PRKD1: variants seen among roughly 807,000 people sequenced by gnomAD.
The protein encoded by PRKD1 is protein kinase D1.
A neutral mutation model predicts 95.9 loss-of-function variants in PRKD1; 63 were observed. The ratio of observed to expected loss-of-function variants is 0.66; its 90% confidence interval spans 0.54 to 0.81. The LOEUF (loss-of-function observed/expected upper bound fraction) is 0.81, where lower values mean the gene tolerates loss of function less well. PRKD1 is among the 30% of genes least tolerant of loss of function. The pLI, the probability that PRKD1 is intolerant of heterozygous loss-of-function variation, is 0.00. For synonymous variants in PRKD1, 425 were observed against 423.1 expected, an observed-to-expected ratio of 1.00 and a Z score of -0.05; for missense variants, 1,048 against 1,165.3, an observed-to-expected ratio of 0.90 and a Z score of 1.47.
At chr14:29,864,162 C>T (rs1210342680) in intron 1 of PRKD1, among the ~76,000 whole-genome samples, 2 of 152,012 alleles carry the variant, frequency 1.3e-5, no homozygotes, top group Non-Finnish European at 2.9e-5. Flanking sequence ...CACTACTGGA[C>T]AATGACCATA....
chr14:29,776,324 G>C (rs1028543470), intron 1 of PRKD1, among the ~76,000 whole-genome samples: 1 of 152,174 alleles, frequency 6.6e-6, no homozygotes, highest in Non-Finnish European at 1.5e-5. Context: ...AGAGAAGAAG[G>C]CTTCAGACGA....
Position 29,757,960 on chromosome 14 carries a change from A to G in PRKD1, c.265-32286T>C, listed in dbSNP as rs1220367528. 3.9e-5 allele frequency among the ~76,000 whole-genome samples: 6 copies of G among 152,208 alleles called. No homozygotes were observed. The East Asian group carries it at 9.7e-4, about 25-fold the overall frequency. On this transcript the variant is annotated intron_variant, in intron 1 of 17. Transcript: ENST00000331968. Reference sequence around the variant, plus strand: ...GTTTCATCCACCAGATCATGTTGACATTCTCTAAAGCTGGGACTACAGGAG... The same window carrying G: ...GTTTCATCCACCAGATCATGTTGACGTTCTCTAAAGCTGGGACTACAGGAG...
intron 2 of PRKD1, among the ~76,000 whole-genome samples, chr14:29,709,161 A>G (rs560435941): frequency 2.0e-5 from 3 of 152,194 alleles, no homozygotes; most frequent in African/African-American, 7.2e-5. Context: ...CCATAAAGTT[A>G]GCTTACTCAG....
intron 1 of PRKD1, among the ~76,000 whole-genome samples, chr14:29,843,057 G>A (rs1891926159): frequency 6.6e-6 from 1 of 152,172 alleles, no homozygotes; most frequent in Non-Finnish European, 1.5e-5. Flanking sequence ...CCCAAAATGT[G>A]TGTATTGAAG....
intron 1 of PRKD1, among the ~76,000 whole-genome samples, chr14:29,736,295 C>T (rs2139422679): frequency 6.6e-6 from 1 of 152,298 alleles, no homozygotes; most frequent in African/African-American, 2.4e-5. Flanking sequence ...TTGAACATAA[C>T]ATTCTGCCTA....
intron 1 of PRKD1, among the ~76,000 whole-genome samples, chr14:29,867,941 T>G (rs953863185): frequency 2.0e-5 from 3 of 152,234 alleles, no homozygotes; most frequent in African/African-American, 7.2e-5. Flanking sequence ...CCCTGAATAT[T>G]TGAACCACTA....
intron 1 of PRKD1, among the ~76,000 whole-genome samples, chr14:29,907,505 G>A (rs1331505811): frequency 6.6e-6 from 1 of 152,106 alleles, no homozygotes; most frequent in Non-Finnish European, 1.5e-5. Flanking sequence ...AAAAAAATAG[G>A]CAAAGATCCC....
intron 2 of PRKD1, among the ~76,000 whole-genome samples, chr14:29,713,699 T>C (rs951746092): frequency 6.6e-6 from 1 of 152,184 alleles, no homozygotes; most frequent in Non-Finnish European, 1.5e-5. Flanking sequence ...TAATACTGCA[T>C]TGCTCTTCCT....
chr14:29,839,093 G>A (rs12587654), intron 1 of PRKD1, among the ~76,000 whole-genome samples: 17,096 of 149,484 alleles, frequency 0.11, 1,083 homozygotes, highest in East Asian at 0.25. Context: ...ATCAATAAAC[G>A]AAAAAAAAAA....
At chr14:29,698,047 A>G (rs759936764) in intron 2 of PRKD1, among the ~76,000 whole-genome samples, 5 of 152,158 alleles carry the variant, frequency 3.3e-5, no homozygotes, top group Non-Finnish European at 5.9e-5. Flanking sequence ...TATCTTTCAA[A>G]TTTTCCCAAA....
chr14:29,771,483 C>T (rs1279044781), intron 1 of PRKD1, among the ~76,000 whole-genome samples: 1 of 152,068 alleles, frequency 6.6e-6, no homozygotes, highest in Non-Finnish European at 1.5e-5. Flanking sequence ...GGTGGTAAAC[C>T]TTGGTGGTGT....
intron 1 of PRKD1, among the ~76,000 whole-genome samples, chr14:29,923,492 T>C (rs1345637920): frequency 6.6e-6 from 1 of 151,906 alleles, no homozygotes; most frequent in Admixed American, 6.6e-5. Flanking sequence ...AAAAATGACA[T>C]CACAACTATT....
intron 2 of PRKD1, among the ~76,000 whole-genome samples, chr14:29,710,292 C>A (rs1361387704): frequency 2.0e-5 from 3 of 151,996 alleles, no homozygotes; most frequent in Non-Finnish European, 4.4e-5. Context: ...AGAAACTGTA[C>A]AGTGGAGAAA....
intron 2 of PRKD1, among the ~76,000 whole-genome samples, chr14:29,669,828 A>AGG: frequency 6.6e-6 from 1 of 152,338 alleles, no homozygotes; most frequent in Admixed American, 6.5e-5. Context: ...AGATCACACC[A>AGG]TTGCACTCCA....
At chr14:29,905,881 G>T (rs1361348986) in intron 1 of PRKD1, among the ~76,000 whole-genome samples, 1 of 152,190 alleles carries the variant, frequency 6.6e-6, no homozygotes, top group Admixed American at 6.5e-5. Flanking sequence ...TCCACCCAGC[G>T]GGGCTTATAA....
intron 1 of PRKD1, among the ~76,000 whole-genome samples, chr14:29,775,191 C>T (rs181587590): frequency 2.2e-3 from 338 of 152,226 alleles, no homozygotes; most frequent in Admixed American, 6.5e-3. Context: ...CGAATAGGAA[C>T]AGCTCCATTC....
At chr14:29,841,741 T>C (rs1420058601) in intron 1 of PRKD1, among the ~76,000 whole-genome samples, 1 of 152,076 alleles carries the variant, frequency 6.6e-6, no homozygotes, top group South Asian at 2.1e-4. Context: ...ACTTTATTTT[T>C]AAATTTTTTC....
chr14:29,907,226 T>G (rs1443897665), intron 1 of PRKD1, among the ~76,000 whole-genome samples: 1 of 152,188 alleles, frequency 6.6e-6, no homozygotes, highest in Non-Finnish European at 1.5e-5. Context: ...TTCTGTTTGT[T>G]TCCTCCAGCA....
chr14:29,621,083 C>G (rs565897875), intron 13 of PRKD1, among the ~76,000 whole-genome samples: 4 of 114,322 alleles, frequency 3.5e-5, no homozygotes, highest in African/African-American at 1.1e-4. Context: ...AGTAAACTAT[C>G]GCAAGGACAA....
Sources: gnomAD v4.1 joint callset for allele counts (sites outside exome capture counted in the v4.1 genomes callset) on GRCh38, gnomAD v4.1.1 for gene constraint, MANE v1.5 for transcripts, NCBI Gene and HGNC (gene_info 2026-07-23, HGNC 2026-07-21) for gene names.